The following GPAA1 variants were observed in gnomAD, a reference collection of about 807,000 sequenced individuals.
GPAA1 encodes GPI-anchor transamidase component GPAA1.
A neutral mutation model predicts 64.0 loss-of-function variants in GPAA1; 54 were observed. That is an observed-to-expected ratio of 0.84 (90% confidence interval 0.68 to 1.06). The LOEUF (loss-of-function observed/expected upper bound fraction) is 1.06, where lower values mean the gene tolerates loss of function less well. GPAA1 is among the 50% of genes least tolerant of loss of function. The pLI, the probability that GPAA1 is intolerant of heterozygous loss-of-function variation, is 0.00. For missense variants in GPAA1, 780 were observed against 822.3 expected, an observed-to-expected ratio of 0.95 and a Z score of 0.63; for synonymous variants, 393 against 377.3, an observed-to-expected ratio of 1.04 and a Z score of -0.48.
At chr8:144,083,681 C>G in intron 3 of GPAA1, 33 bp from the exon 4 acceptor site, 4 of 1,585,326 alleles carry the variant, frequency 2.5e-6, no homozygotes, top group Non-Finnish European at 3.4e-6. Flanking sequence ...CACAAAGTTA[C>G]ACTGAGGCTC....
rs1305225428 is a variant in GPAA1, at chr8:144,084,314, G to T, written c.797G>T (p.Cys266Phe). The change falls in exon 6 of 12, where the codon TGC becomes TTC. Residue 266 changes from cysteine to phenylalanine, a missense_variant. By Grantham distance (205) the Cys-to-Phe change is radical. Transcript: ENST00000355091. ...QTFCQKGGLLCTLQGKLQPED... is the reference protein window; with the variant it reads ...QTFCQKGGLLFTLQGKLQPED... Reference sequence around the variant, plus strand: ...TTCTGCCAGAAAGGGGGCCTGTTGTGCACGCTTCAGGGCAAGGTGGGGCTG... The same window carrying T: ...TTCTGCCAGAAAGGGGGCCTGTTGTTCACGCTTCAGGGCAAGGTGGGGCTG... 1 of 1,613,716 alleles carries T rather than the reference G, an allele frequency of 6.2e-7. No individual in the cohort carries two copies. The highest frequency in any genetic ancestry group is 8.5e-7 in the Non-Finnish European group (1 of 1,179,992).
At position 144,083,942 on chromosome 8, in the gene GPAA1, A is replaced by G; in HGVS notation, c.518A>G (p.Gln173Arg). 1 of 1,613,678 alleles carries G rather than the reference A, an allele frequency of 6.2e-7. No homozygotes were observed. The highest frequency in any genetic ancestry group is 1.1e-5 in the South Asian group (1 of 91,070). The change falls in exon 5 of 12, where the codon CAG becomes CGG. Residue 173 changes from glutamine to arginine, a missense_variant. Coordinates refer to ENST00000355091, the MANE Select transcript of GPAA1 (RefSeq NM_003801.4). The stretch of plus-strand genomic sequence containing the variant: ...TGATCCTGCTTCTGGCCTCCAGGGC[A>G]GATTTATTGGGCCAAAGATATCGTC... ...LLALAAHFRGQIYWAKDIVFL... is the reference protein window; with the variant it reads ...LLALAAHFRGRIYWAKDIVFL...
chr8:144,085,998 T>G lies in GPAA1; in HGVS notation c.1739T>G (p.Leu580Arg). Residue 580 changes from leucine to arginine, a missense_variant, in exon 12 of 12, where the codon CTC becomes CGC. Coordinates refer to ENST00000355091, the MANE Select transcript of GPAA1 (RefSeq NM_003801.4). ...APLSLAEGWQ[L>R]FLAALAQGVL... is the part of the protein sequence containing the mutation. ...CTGTCACTGGCCGAGGGCTGGCAGC[T>G]CTTCCTGGCAGCGCTAGCCCAGGGT... The G allele has an allele frequency of 6.2e-7, 1 of 1,610,046 alleles. No individual in the cohort carries two copies. The highest frequency in any genetic ancestry group is 8.5e-7 in the Non-Finnish European group (1 of 1,179,916).
rs782305274 is a variant in GPAA1, at chr8:144,085,962, A to G, written c.1703A>G (p.Gln568Arg). The change falls in exon 12 of 12, where the codon CAG (glutamine) becomes CGG (arginine). Residue 568 changes from glutamine to arginine, a missense_variant. Transcript: ENST00000355091. The part of the protein sequence containing the change: ...LGSLFLWREL[Q>R]EAPLSLAEGW... ...AGCCTGTTCCTGTGGCGGGAGCTGC[A>G]GGAGGCGCCACTGTCACTGGCCGAG... The G allele has an allele frequency of 4.4e-6, 7 of 1,606,310 alleles. No homozygotes were observed. The highest frequency in any genetic ancestry group is 2.2e-5 in the East Asian group (1 of 44,880).
In GPAA1 at chr8:144,084,760, T is replaced by G. The variant is rs1232591689; in HGVS notation, c.1049T>G (p.Leu350Arg). 1.3e-5 allele frequency: 21 copies of G among 1,613,934 alleles called. No homozygotes were observed. Among genetic ancestry groups the G allele is most frequent in the Admixed American group, 1.7e-5 (1 of 60,024 alleles). Reference protein sequence around the residue: ...EGMFRKLNHLLERLHQSFFLY... With the variant: ...EGMFRKLNHLRERLHQSFFLY... ...ATGTTCCGCAAGCTCAACCACCTCC[T>G]GGAGCGCCTGCACCAGTCCTTCTTC... Residue 350 changes from leucine (L) to arginine (R), a missense_variant, in exon 8 of 12, where the codon CTG (leucine) becomes CGG (arginine). Transcript: ENST00000355091.
At chr8:144,082,834 C>G in intron 1 of GPAA1, 30 bp downstream of exon 1, 2 of 1,371,554 alleles carry the variant, frequency 1.5e-6, no homozygotes, top group Middle Eastern at 2.6e-4. Context: ...AGGCGGGGAC[C>G]CGAGGGCCCT....
chr8:144,084,980 G>C, intron 8 of GPAA1, 63 bp from the exon 9 acceptor site: 1 of 1,564,770 alleles, frequency 6.4e-7, no homozygotes, highest in Non-Finnish European at 8.7e-7. Context: ...ACGGGGGTGA[G>C]CCCTGGGTCC....
Position 144,084,786 on chromosome 8 carries a change from C to T in GPAA1, c.1075C>T (p.Leu359Phe). The T allele has an allele frequency of 1.2e-6, 2 of 1,613,864 alleles. No individual in the cohort carries two copies. The highest frequency in any genetic ancestry group is 1.3e-5 in the African/African-American group (1 of 75,060). Residue 359 changes from leucine to phenylalanine, a missense_variant, in exon 8 of 12, where the codon CTC (leucine) becomes TTC (phenylalanine). Transcript: ENST00000355091. ...GGAGCGCCTGCACCAGTCCTTCTTC[C>T]TCTACTTGCTCCCCGGCCTCTCCCG... ...LLERLHQSFF[L>F]YLLPGLSRFV...
chr8:144,085,332 A>G lies in GPAA1; in HGVS notation c.1304A>G (p.Gln435Arg), dbSNP rs782796766. 6.2e-7 allele frequency: 1 copy of G among 1,610,064 alleles called. No individual in the cohort carries two copies. Among genetic ancestry groups the G allele is most frequent in the East Asian group, 2.2e-5 (1 of 44,838 alleles). ...ASLVAPLLIS[Q>R]AMGLALYVLP... ...CTCGTGGCACCTCTGCTGATCTCAC[A>G]GGCCATGGGACTGGCCCTCTATGTC... The change falls in exon 10 of 12, where the codon CAG becomes CGG. Residue 435 changes from glutamine to arginine, a missense_variant. Physicochemically the swap from Gln to Arg is conservative, Grantham distance 43 (BLOSUM62 1). Transcript: ENST00000355091.
chr8:144,084,918 T>G (rs1554764134), intron 8 of GPAA1, 43 bp downstream of exon 8: 2 of 1,605,162 alleles, frequency 1.2e-6, no homozygotes, highest in East Asian at 4.5e-5. Context: ...CAGCCTCCAG[T>G]CTCCTCAACT....
At chr8:144,083,037 G>A in intron 1 of GPAA1, 87 bp from the exon 2 acceptor site, 2 of 1,271,218 alleles carry the variant, frequency 1.6e-6, no homozygotes, top group Non-Finnish European at 2.2e-6. Context: ...AGACCCGCGC[G>A]ATCGACCCCG....
chr8:144,083,809 T>C lies in GPAA1; in HGVS notation c.462T>C (p.Ser154=), dbSNP rs782209028. ...LVLTVPCGSD[S]TNSQAVGLLL... is the part of the protein sequence containing the mutation. ...TCACCGTGCCCTGTGGCTCTGACTC[T>C]ACCAACAGCCAGGCTGTGGGGCTGC... The change falls in exon 4 of 12, where the codon TCT becomes TCC. Residue 154 remains serine, a synonymous_variant. Coordinates refer to ENST00000355091, the MANE Select transcript of GPAA1 (RefSeq NM_003801.4). The C allele has an allele frequency of 1.7e-4, 280 of 1,609,676 alleles. No individual in the cohort carries two copies. Among genetic ancestry groups the C allele is most frequent in the Non-Finnish European group, 2.3e-4 (269 of 1,179,548 alleles).
Position 144,084,303 on chromosome 8 carries a change from G to A in GPAA1, c.786G>A (p.Gly262=), listed in dbSNP as rs782527799. 19 of 1,613,678 alleles carry A rather than the reference G, an allele frequency of 1.2e-5. No individual in the cohort carries two copies. In the South Asian group the frequency reaches 1.2e-4, roughly 10 times the overall value. Residue 262 remains glycine (G), a synonymous_variant, in exon 6 of 12, where the codon GGG becomes GGA. Transcript: ENST00000355091. ...TCTTCCAGACCTTCTGCCAGAAAGG[G>A]GGCCTGTTGTGCACGCTTCAGGGCA... ...LNLFQTFCQK[G]GLLCTLQGKL...
chr8:144,082,710 G>T lies in GPAA1; in HGVS notation c.-21G>T. On this transcript the variant is annotated 5_prime_UTR_variant, in exon 1 of 12. Transcript: ENST00000355091. Reference sequence around the variant, plus strand: ...AGTTGGAGGCGGGAGAGGGTCCGTAGCCGCGCCGCCCTGCCCCGCCATGGG... The same window carrying T: ...AGTTGGAGGCGGGAGAGGGTCCGTATCCGCGCCGCCCTGCCCCGCCATGGG... 1 of 1,444,446 alleles carries T rather than the reference G, an allele frequency of 6.9e-7. No homozygotes were observed. Among genetic ancestry groups the T allele is most frequent in the Non-Finnish European group, 9.1e-7 (1 of 1,103,020 alleles). The allele number at this position is 1,444,446 out of a possible 1,614,324, so 89.5% of individuals were successfully genotyped here. A position where few individuals can be genotyped will look rare whatever the true frequency, so the allele number is the denominator to read the frequency against.
In GPAA1 at chr8:144,082,776, C is replaced by T; in HGVS notation, c.46C>T (p.Leu16=). ...DPVRRRALAR[L]VLRLNAPLCV... ...GGTTCGCCGGCGCGCGCTCGCCCGC[C>T]TAGTGCTGCGCCTCAACGCGCCGTT... The change falls in exon 1 of 12, where the codon CTA becomes TTA. Residue 16 remains leucine (L), a synonymous_variant. Coordinates refer to ENST00000355091, the MANE Select transcript of GPAA1 (RefSeq NM_003801.4). The T allele has an allele frequency of 6.8e-7, 1 of 1,466,928 alleles. No homozygotes were observed. Among genetic ancestry groups the T allele is most frequent in the Non-Finnish European group, 9.0e-7 (1 of 1,115,706 alleles). 90.9% of individuals were successfully genotyped at this position (1,466,928 alleles called of 1,614,324 possible).
chr8:144,082,844 T>A lies in GPAA1; in HGVS notation c.74+40T>A. 4 of 1,338,722 alleles carry A rather than the reference T, an allele frequency of 3.0e-6. 1 individual carries two copies. Among genetic ancestry groups the A allele is most frequent in the South Asian group, 3.6e-5 (2 of 56,040 alleles). The allele number at this position is 1,338,722 out of a possible 1,614,324, so 82.9% of individuals were successfully genotyped here. ...CGGGGAGGCGGGGACCCGAGGGCCCTGGGCTCGCGCCGGCGGCCCCATGCG... is the reference window on the plus strand; with the variant it reads ...CGGGGAGGCGGGGACCCGAGGGCCCAGGGCTCGCGCCGGCGGCCCCATGCG... On this transcript the variant is annotated intron_variant, in intron 1 of 11. Transcript: ENST00000355091.
In GPAA1 at chr8:144,085,150, C is replaced by T. The variant is rs1554764166; in HGVS notation, c.1260+12C>T. ...TTCCCCCATCACAGGTGATGGCACC[C>T]CCTTCTGTTGTTGGAATGGGCTTCT... On this transcript the variant is annotated intron_variant, in intron 9 of 11. Transcript: ENST00000355091. 1 of 1,527,412 alleles carries T rather than the reference C, an allele frequency of 6.5e-7. No individual in the cohort carries two copies. The highest frequency in any genetic ancestry group is 1.2e-5 in the South Asian group (1 of 84,546). 94.6% of individuals were successfully genotyped at this position (1,527,412 alleles called of 1,614,324 possible).
Position 144,084,289 on chromosome 8 carries a change from T to G in GPAA1, c.772T>G (p.Phe258Val). 6.2e-7 allele frequency: 1 copy of G among 1,613,810 alleles called. No homozygotes were observed. Among genetic ancestry groups the G allele is most frequent in the Non-Finnish European group, 8.5e-7 (1 of 1,180,012 alleles). Residue 258 changes from phenylalanine (F) to valine (V), a missense_variant, in exon 6 of 12, where the codon TTC becomes GTC. Coordinates refer to ENST00000355091, the MANE Select transcript of GPAA1 (RefSeq NM_003801.4). ...TGACCTGCTCAATCTCTTCCAGACC[T>G]TCTGCCAGAAAGGGGGCCTGTTGTG... ...NLDLLNLFQT[F>V]CQKGGLLCTL...
chr8:144,085,954 G>T lies in GPAA1; in HGVS notation c.1695G>T (p.Arg565=). The part of the protein sequence containing the change: ...ATLLGSLFLW[R]ELQEAPLSLA... ...TCCTTGGCAGCCTGTTCCTGTGGCG[G>T]GAGCTGCAGGAGGCGCCACTGTCAC... is the stretch of plus-strand genomic sequence containing the variant. Residue 565 remains arginine, a synonymous_variant, in exon 12 of 12, where the codon CGG becomes CGT. Transcript: ENST00000355091. 3 of 1,607,018 alleles carry T rather than the reference G, an allele frequency of 1.9e-6. No homozygotes were observed. In the South Asian group the frequency reaches 3.3e-5, roughly 18 times the overall value.
Sources: gnomAD v4.1 joint callset for allele counts on GRCh38, gnomAD v4.1.1 for gene constraint, MANE v1.5 for transcripts, NCBI Gene and HGNC (gene_info 2026-07-23, HGNC 2026-07-21) for gene names.